FGF14: variants seen among roughly 807,000 people sequenced by gnomAD.
The protein encoded by FGF14 is fibroblast growth factor homologous factor 4.
A neutral mutation model predicts 25.5 loss-of-function variants in FGF14; 5 were observed. The ratio of observed to expected loss-of-function variants is 0.20; its 90% CI spans 0.10 to 0.41. The LOEUF (loss-of-function observed/expected upper bound fraction) is 0.41, where lower values mean the gene tolerates loss of function less well. Ranked by LOEUF, FGF14 falls within the 10% of genes least tolerant of loss-of-function variation. The pLI is 1.00. For missense variants in FGF14, 222 were observed against 320.1 expected (o/e 0.69, Z 2.34); for synonymous variants, 138 against 118.3 (o/e 1.17, Z -1.08).
intron 1 of FGF14, among the ~76,000 whole-genome samples, chr13:102,399,686 G>C (rs1476140057): frequency 6.6e-6 from 1 of 152,180 alleles, no homozygotes; most frequent in East Asian, 1.9e-4. Flanking sequence ...TTCCCCTTGG[G>C]CAATTCTCAG....
chr13:102,042,009 C>A (rs1396005361), intron 1 of FGF14, among the ~76,000 whole-genome samples: 1 of 152,152 alleles, frequency 6.6e-6, no homozygotes, highest in African/African-American at 2.4e-5. Context: ...CACTATCCAA[C>A]ACAACAAAAT....
chr13:102,161,573 G>GAGA lies in FGF14; in HGVS notation c.208+239897_208+239898insTCT, dbSNP rs2047656156. 3.6e-4 allele frequency among the ~76,000 whole-genome samples: 2 copies of GAGA among 5,486 alleles called. 1 individual carries two copies. The highest frequency in any genetic ancestry group is 6.9e-4 in the Non-Finnish European group (2 of 2,914). 3.6% of individuals were successfully genotyped at this position (5,486 alleles called of 152,430 possible). ...ATGCAACCAACTTTCTGTGAAGAAA[G>GAGA]AAAGAAGAAGAAGAAGAAGAAGAAG... On this transcript the variant is annotated intron_variant, in intron 1 of 4. Transcript: ENST00000376131.
chr13:102,200,770 C>CA (rs1437011141), intron 1 of FGF14, among the ~76,000 whole-genome samples: 5 of 151,770 alleles, frequency 3.3e-5, no homozygotes, highest in Admixed American at 2.0e-4. Context: ...GGTGTCATTG[C>CA]AATGAAAAAA....
At chr13:101,840,540 CAT>C (rs896479404) in intron 3 of FGF14, among the ~76,000 whole-genome samples, 6 of 151,772 alleles carry the variant, frequency 4.0e-5, no homozygotes, top group African/African-American at 1.2e-4. Flanking sequence ...CTACAAGACT[CAT>C]ATTTATAAAT....
At chr13:101,903,765 G>C (rs117295488) in intron 1 of FGF14, among the ~76,000 whole-genome samples, 1 of 152,186 alleles carries the variant, frequency 6.6e-6, no homozygotes, top group African/African-American at 2.4e-5. Context: ...CTAAAGAAAG[G>C]GGGTAAGGCA....
At chr13:102,249,995 C>A (rs1482167301) in intron 1 of FGF14, among the ~76,000 whole-genome samples, 3 of 152,126 alleles carry the variant, frequency 2.0e-5, no homozygotes, top group African/African-American at 7.2e-5. Context: ...GGCCCAGCCA[C>A]AAAAGAAAGG....
At chr13:101,886,961 A>G (rs2138854262) in intron 1 of FGF14, among the ~76,000 whole-genome samples, 1 of 152,194 alleles carries the variant, frequency 6.6e-6, no homozygotes, top group African/African-American at 2.4e-5. Context: ...ATCACTAATC[A>G]CCAGAAAAAT....
rs188693477 is a variant in FGF14 at position 101,863,216 on chromosome 13, A to C, written c.408+5509T>G. 6.7e-3 allele frequency among the ~76,000 whole-genome samples: 1,013 copies of C among 152,302 alleles called. 9 individuals are homozygous for C. Among genetic ancestry groups the C allele is most frequent in the South Asian group, 0.017 (81 of 4,830 alleles). ...CCTGTTCAGAGAGATGAAGAATAAA[A>C]GATAAAGAATAAAATAATTTCCATT... On this transcript the variant is annotated intron_variant, in intron 3 of 4. Transcript: ENST00000376143.
intron 1 of FGF14, among the ~76,000 whole-genome samples, chr13:101,936,267 C>T (rs1053410952): frequency 1.3e-5 from 2 of 152,116 alleles, no homozygotes; most frequent in Non-Finnish European, 2.9e-5. Flanking sequence ...CTTACGTGGT[C>T]AAGAAGTGAA....
intron 1 of FGF14, among the ~76,000 whole-genome samples, chr13:101,966,210 T>C (rs1347899559): frequency 1.4e-4 from 21 of 152,322 alleles, no homozygotes; most frequent in South Asian, 2.1e-4. Context: ...GTGGGCTCTA[T>C]TGCCATATAA....
At chr13:102,236,062 AG>A (rs1224982945) in intron 1 of FGF14, among the ~76,000 whole-genome samples, 3 of 152,246 alleles carry the variant, frequency 2.0e-5, no homozygotes, top group Non-Finnish European at 4.4e-5. Flanking sequence ...GAACCTTTGT[AG>A]TAGAGCACAC....
intron 1 of FGF14, among the ~76,000 whole-genome samples, chr13:102,015,202 T>A (rs2040276158): frequency 6.6e-6 from 1 of 152,190 alleles, no homozygotes; most frequent in Admixed American, 6.6e-5. Flanking sequence ...GCCACCGTGC[T>A]CAGCCTGCTA....
chr13:102,096,383 G>A (rs2044400994), intron 1 of FGF14, among the ~76,000 whole-genome samples: 1 of 151,924 alleles, frequency 6.6e-6, no homozygotes, highest in Non-Finnish European at 1.5e-5. Flanking sequence ...AGGACAGTCT[G>A]ACTTATGCCT....
At chr13:102,337,043 C>A (rs1436535988) in intron 1 of FGF14, among the ~76,000 whole-genome samples, 1 of 152,198 alleles carries the variant, frequency 6.6e-6, no homozygotes, top group Non-Finnish European at 1.5e-5. Context: ...ACACAACATG[C>A]ATTCTGCAGC....
At chr13:102,297,711 T>G (rs1189659090) in intron 1 of FGF14, among the ~76,000 whole-genome samples, 1 of 139,354 alleles carries the variant, frequency 7.2e-6, no homozygotes, top group African/African-American at 2.7e-5. Flanking sequence ...TACAGCAAGA[T>G]CCTACCTCTA....
intron 1 of FGF14, among the ~76,000 whole-genome samples, chr13:102,318,305 C>T (rs530123867): frequency 1.7e-4 from 26 of 152,166 alleles, no homozygotes; most frequent in Non-Finnish European, 2.9e-4. Context: ...GTCCCAACTG[C>T]GTATCCTCAG....
At chr13:101,802,446 G>GAA in intron 3 of FGF14, 5 of 190,772 alleles carry the variant, frequency 2.6e-5, no homozygotes, top group Middle Eastern at 2.2e-3. Context: ...GGAGGAGGAT[G>GAA]AAAAAAAAAC....
intron 3 of FGF14, among the ~76,000 whole-genome samples, chr13:101,733,645 G>A (rs1275646514): frequency 6.7e-6 from 1 of 148,474 alleles, no homozygotes; most frequent in Non-Finnish European, 1.5e-5. Context: ...CTTTTATCCT[G>A]ATTACAGGAC....
At chr13:101,882,134 A>G (rs1329650827) in intron 1 of FGF14, among the ~76,000 whole-genome samples, 1 of 151,982 alleles carries the variant, frequency 6.6e-6, no homozygotes, top group East Asian at 1.9e-4. Context: ...TATTCAGCTA[A>G]AACACTACGC....
Sources: gnomAD v4.1 joint callset for allele counts (sites outside exome capture counted in the v4.1 genomes callset) on GRCh38, gnomAD v4.1.1 for gene constraint, MANE v1.5 for transcripts, NCBI Gene and HGNC (gene_info 2026-07-23, HGNC 2026-07-21) for gene names.